TYW1B: variants seen among roughly 807,000 people sequenced by gnomAD.
TYW1B encodes S-adenosyl-L-methionine-dependent tRNA 4-demethylwyosine synthase TYW1B.
TYW1B carries 73 observed loss-of-function variants against 86.9 expected under a neutral mutation model. The ratio of observed to expected loss-of-function variants is 0.84; its 90% CI spans 0.70 to 1.02. TYW1B has a LOEUF of 1.02. Ranked by LOEUF, TYW1B falls within the 50% of genes least tolerant of loss-of-function variation. The probability of loss-of-function intolerance (pLI) is 0.00; values close to 1 mark genes in which losing one functional copy is unlikely to be tolerated. For synonymous variants in TYW1B, 248 were observed against 292.8 expected, an observed-to-expected ratio of 0.85 and a Z score of 1.56; for missense variants, 637 against 827.4, an observed-to-expected ratio of 0.77 and a Z score of 2.82.
chr7:72,668,019 G>C (rs1429110512), intron 11 of TYW1B, among the ~76,000 whole-genome samples: 1 of 152,246 alleles, frequency 6.6e-6, no homozygotes, highest in Middle Eastern at 3.4e-3. Context: ...AATGAAAAAA[G>C]TCTTTAAGTC....
chr7:72,700,039 T>C (rs1189402565), intron 10 of TYW1B, among the ~76,000 whole-genome samples: 2 of 151,862 alleles, frequency 1.3e-5, no homozygotes, highest in Non-Finnish European at 2.9e-5. Flanking sequence ...TTCCATAAAA[T>C]ACAGTGGATA....
chr7:72,705,939 C>T (rs1814598661), intron 10 of TYW1B, among the ~76,000 whole-genome samples: 1 of 152,190 alleles, frequency 6.6e-6, no homozygotes, highest in African/African-American at 2.4e-5. Context: ...TCTTCCATCG[C>T]AGCAATAACA....
At chr7:72,693,428 T>C (rs1262230222) in intron 11 of TYW1B, among the ~76,000 whole-genome samples, 244 of 150,526 alleles carry the variant, frequency 1.6e-3, no homozygotes, top group African/African-American at 5.6e-3. Context: ...TTTTTTTTTT[T>C]AGATAGGGGT....
intron 9 of TYW1B, among the ~76,000 whole-genome samples, chr7:72,727,119 G>C (rs532736322): frequency 6.6e-6 from 1 of 152,106 alleles, no homozygotes; most frequent in Non-Finnish European, 1.5e-5. Context: ...GGGTGAGGGG[G>C]ACAAAGCCTA....
chr7:72,782,120 C>T lies in TYW1B; in HGVS notation c.847-4587G>A, dbSNP rs1788059195. ...GCAACATAGTGAGATCCCAGCTCTA[C>T]AAAAAAAAATTTTTTTTAATTAGCC... On this transcript the variant is annotated intron_variant, in intron 6 of 13. Transcript: ENST00000620995. Among the ~76,000 whole-genome samples the T allele has an allele frequency of 2.0e-5, 3 of 151,244 alleles. No individual in the cohort carries two copies. In the South Asian group the frequency reaches 6.2e-4, roughly 31 times the overall value.
chr7:72,828,158 T>C lies in TYW1B; in HGVS notation c.-83A>G. On this transcript the variant is annotated 5_prime_UTR_variant, in exon 1 of 14. Transcript: ENST00000620995. ...ACTGGTACTGCGAGACGCACCGAGCTACCTCGCGGCGTTAGCGCCGTACCG... is the reference window on the plus strand; with the variant it reads ...ACTGGTACTGCGAGACGCACCGAGCCACCTCGCGGCGTTAGCGCCGTACCG... The C allele has an allele frequency of 6.3e-7, 1 of 1,597,986 alleles. No homozygotes were observed. Among genetic ancestry groups the C allele is most frequent in the Admixed American group, 1.8e-5 (1 of 56,892 alleles).
At chr7:72,621,852 C>T (rs757907306) in intron 12 of TYW1B, among the ~76,000 whole-genome samples, 2 of 152,190 alleles carry the variant, frequency 1.3e-5, no homozygotes, top group Admixed American at 1.3e-4. Flanking sequence ...AGCTGATAAA[C>T]GCTGGTTAGG....
In TYW1B at chr7:72,810,489, A is replaced by G. The variant is rs781790848; in HGVS notation, c.414T>C (p.Tyr138=). 1.4e-5 allele frequency: 22 copies of G among 1,613,518 alleles called. No homozygotes were observed. The highest frequency in any genetic ancestry group is 1.9e-5 in the Non-Finnish European group (22 of 1,179,686). The change falls in exon 4 of 14, where the codon TAT becomes TAC. Residue 138 remains tyrosine, a synonymous_variant. Transcript: ENST00000620995. ...GACCTACCTTGTTGAAGTGGCTAGC[A>G]TAGGCAGAATTTCCCAGGCCAAATA... ...DAVFGLGNSA[Y]ASHFNKVGKN...
chr7:72,622,161 A>G (rs1338984401), intron 12 of TYW1B, among the ~76,000 whole-genome samples: 1 of 152,204 alleles, frequency 6.6e-6, no homozygotes, highest in African/African-American at 2.4e-5. Context: ...TTTCACAAGC[A>G]AGCAAGCAAA....
At chr7:72,631,739 A>T (rs1375363899) in intron 11 of TYW1B, among the ~76,000 whole-genome samples, 119 of 151,200 alleles carry the variant, frequency 7.9e-4, no homozygotes, top group Non-Finnish European at 1.1e-3. Flanking sequence ...GTTACCAAAA[A>T]ATATATATAT....
intron 13 of TYW1B, among the ~76,000 whole-genome samples, chr7:72,606,943 A>T (rs1554434970): frequency 6.6e-6 from 1 of 152,230 alleles, no homozygotes; most frequent in East Asian, 1.9e-4. Flanking sequence ...CTGAGAAACA[A>T]CTGAAAATCA....
intron 7 of TYW1B, chr7:72,769,137 T>C (rs1412669776): frequency 1.3e-5 from 6 of 447,554 alleles, no homozygotes; most frequent in Non-Finnish European, 1.9e-5. Context: ...CTTTCATCTC[T>C]GTGTTGCCAT....
chr7:72,701,941 G>T (rs1339237044), intron 10 of TYW1B, among the ~76,000 whole-genome samples: 1 of 152,168 alleles, frequency 6.6e-6, no homozygotes, highest in Non-Finnish European at 1.5e-5. Context: ...TGCTTACTCG[G>T]TAAGAACCAA....
intron 7 of TYW1B, among the ~76,000 whole-genome samples, chr7:72,754,140 G>T (rs1554465566): frequency 6.6e-6 from 1 of 151,940 alleles, no homozygotes; most frequent in African/African-American, 2.4e-5. Context: ...TCTGTTGTTT[G>T]TTTTTTGTTT....
intron 10 of TYW1B, among the ~76,000 whole-genome samples, chr7:72,696,496 ACAATT>A (rs1456278890): frequency 3.3e-5 from 5 of 152,202 alleles, no homozygotes; most frequent in African/African-American, 1.2e-4. Context: ...CACATTCCAT[ACAATT>A]CACCACTTTA....
At position 72,826,405 on chromosome 7, in the gene TYW1B, TATA is replaced by T. The variant is rs142131850; in HGVS notation, c.135+447_135+449del. Among the ~76,000 whole-genome samples, 631 of 152,334 alleles carry T rather than the reference TATA, an allele frequency of 4.1e-3. 5 individuals carry two copies. Among genetic ancestry groups the T allele is most frequent in the African/African-American group, 0.015 (603 of 41,572 alleles). On this transcript the variant is annotated intron_variant, in intron 2 of 13. Coordinates refer to ENST00000620995, the MANE Select transcript of TYW1B (RefSeq NM_001145440.3). ...TATTCCTCAAATATTAGCCCCTTGG[TATA>T]ATAAGGTCCTTTAATAGGCAGGACC...
At chr7:72,576,570 T>C (rs1427036563) in intron 13 of TYW1B, among the ~76,000 whole-genome samples, 1 of 149,334 alleles carries the variant, frequency 6.7e-6, no homozygotes, top group Non-Finnish European at 1.5e-5. Flanking sequence ...TGGAGTGTAG[T>C]GGCCTGATCT....
intron 13 of TYW1B, among the ~76,000 whole-genome samples, chr7:72,589,575 G>C (rs1811348586): frequency 6.6e-6 from 1 of 152,136 alleles, no homozygotes; most frequent in Non-Finnish European, 1.5e-5. Flanking sequence ...TATGTATGAG[G>C]ACACATCTAA....
At chr7:72,661,384 C>T (rs2844181) in intron 11 of TYW1B, among the ~76,000 whole-genome samples, 6 of 151,932 alleles carry the variant, frequency 3.9e-5, no homozygotes, top group East Asian at 1.9e-4. Flanking sequence ...TGAAAGTCAA[C>T]AGCTCAGTCA....
Sources: gnomAD v4.1 joint callset for allele counts (sites outside exome capture counted in the v4.1 genomes callset) on GRCh38, gnomAD v4.1.1 for gene constraint, MANE v1.5 for transcripts, NCBI Gene and HGNC (gene_info 2026-07-23, HGNC 2026-07-21) for gene names.